The following TUT7 variants were observed in gnomAD, a reference collection of about 807,000 sequenced individuals.
The protein encoded by TUT7 is terminal uridylyl transferase 7, also known as terminal uridylyltransferase 7.
In TUT7, 33 loss-of-function variants were observed where a neutral mutation model predicts 165.9. That is an observed-to-expected ratio of 0.20 (90% CI 0.15 to 0.27). The LOEUF is 0.27. Among genes scored for constraint, TUT7 ranks in the 10% least tolerant of loss-of-function variants. TUT7 has a pLI of 1.00. For synonymous variants in TUT7, 552 were observed against 608.1 expected (o/e 0.91, Z 1.36); for missense variants, 1,338 against 1,762.3 (o/e 0.76, Z 4.31).
In TUT7 at chr9:86,301,307, T is replaced by C. The variant is rs201968623; in HGVS notation, c.4389A>G (p.Lys1463=). Residue 1463 remains lysine, a synonymous_variant, in exon 26 of 27, where the codon AAA becomes AAG. Transcript: ENST00000375963. ...CFICGREGHI[K]KECPQFKGSS... is the part of the protein sequence containing the mutation. ...AGCCTTTAAACTGTGGGCATTCCTT[T>C]TTAATGTGCCCTTCTCTTCCACAAA... The C allele has an allele frequency of 6.2e-7, 1 of 1,614,130 alleles. No homozygotes were observed. The highest frequency in any genetic ancestry group is 8.5e-7 in the Non-Finnish European group (1 of 1,180,000).
chr9:86,353,101 A>G lies in TUT7; in HGVS notation c.99T>C (p.Tyr33=). Residue 33 remains tyrosine (Y), a synonymous_variant, in exon 2 of 27, where the codon TAT becomes TAC. Coordinates refer to ENST00000375963, the MANE Select transcript of TUT7 (RefSeq NM_024617.4). ...DFRRGHPQQD[Y]LIIDDHAKGH... ...CTTTAGCATGGTCATCTATTATTAA[A>G]TAATCTTGTTGGGGGTGACCCCTTC... The G allele has an allele frequency of 6.2e-7, 1 of 1,613,958 alleles. No homozygotes were observed. The highest frequency in any genetic ancestry group is 8.5e-7 in the Non-Finnish European group (1 of 1,180,002).
At chr9:86,307,021 GCA>G (rs779028904) in intron 22 of TUT7, among the ~76,000 whole-genome samples, 4 of 152,206 alleles carry the variant, frequency 2.6e-5, no homozygotes, top group Non-Finnish European at 5.9e-5. Context: ...TGTAATCCCA[GCA>G]CTTTGGGAGG....
At chr9:86,348,041 T>C (rs374040167) in intron 2 of TUT7, among the ~76,000 whole-genome samples, 47 of 152,350 alleles carry the variant, frequency 3.1e-4, no homozygotes, top group African/African-American at 1.1e-3. Flanking sequence ...AATACTGCAA[T>C]ACCCTTTAGA....
intron 14 of TUT7, among the ~76,000 whole-genome samples, 189 bp from the exon 15 acceptor site, chr9:86,319,859 G>T (rs953600289): frequency 1.3e-5 from 2 of 152,032 alleles, no homozygotes; most frequent in African/African-American, 2.4e-5. Context: ...TTGAGATAAG[G>T]TCTGGTTCTG....
chr9:86,298,151 G>T (rs1394718366), intron 26 of TUT7, among the ~76,000 whole-genome samples: 2 of 151,742 alleles, frequency 1.3e-5, no homozygotes, highest in Non-Finnish European at 2.9e-5. Flanking sequence ...CCCTTTTCTT[G>T]TTTTGTTATT....
chr9:86,313,505 C>T (rs1284354687), intron 17 of TUT7, among the ~76,000 whole-genome samples: 1 of 152,154 alleles, frequency 6.6e-6, no homozygotes, highest in East Asian at 1.9e-4. Flanking sequence ...AACATTACCT[C>T]CTTAGGTTTA....
intron 19 of TUT7, 52 bp from the exon 20 acceptor site, chr9:86,309,628 T>C (rs773401977): frequency 7.2e-7 from 1 of 1,394,720 alleles, no homozygotes; most frequent in Non-Finnish European, 1.0e-6. Context: ...TCTGCTAACT[T>C]TGCATCCATT....
chr9:86,319,493 G>A (rs1206113379), intron 15 of TUT7, 91 bp downstream of exon 15: 7 of 898,506 alleles, frequency 7.8e-6, no homozygotes, highest in Non-Finnish European at 1.2e-5. Context: ...TGGAAATCCT[G>A]ATTCTCAAAA....
At chr9:86,325,999 C>A (rs2131460531) in intron 11 of TUT7, among the ~76,000 whole-genome samples, 1 of 152,336 alleles carries the variant, frequency 6.6e-6, no homozygotes, top group East Asian at 1.9e-4. Flanking sequence ...TCAGTGACAA[C>A]TGATTTTAAA....
intron 2 of TUT7, among the ~76,000 whole-genome samples, chr9:86,346,681 G>A (rs1453316550): frequency 6.6e-6 from 1 of 152,134 alleles, no homozygotes; most frequent in Admixed American, 6.6e-5. Context: ...TTAAGCCATA[G>A]AAATCATCTT....
At chr9:86,301,206 A>T in intron 26 of TUT7, 70 bp downstream of exon 26, 1 of 1,309,070 alleles carries the variant, frequency 7.6e-7, no homozygotes, top group Non-Finnish European at 1.1e-6. Flanking sequence ...CTAAAATAGT[A>T]AAGAGCTCTA....
intron 10 of TUT7, among the ~76,000 whole-genome samples, chr9:86,331,798 C>G (rs570314463): frequency 1.3e-5 from 2 of 152,018 alleles, no homozygotes; most frequent in Non-Finnish European, 2.9e-5. Flanking sequence ...TTTTGCATAG[C>G]CCTATCAACA....
rs369631683 is a variant in TUT7 at position 86,338,920 on chromosome 9, T to C, written c.1238A>G (p.Asn413Ser). The change falls in exon 9 of 27, where the codon AAT becomes AGT. Residue 413 changes from asparagine to serine, a missense_variant. Physicochemically the swap from Asn to Ser is conservative, Grantham distance 46 (BLOSUM62 1). This residue lies in a region of TUT7 where 74 missense variants were observed against 128.5 expected (regional missense o/e 0.58). Coordinates refer to ENST00000375963, the MANE Select transcript of TUT7 (RefSeq NM_024617.4). Reference sequence around the variant, plus strand: ...CTTTGTTGTCAGACAAGCATTTTCATTTCCTGCGCTCACTTTACACAGAAG... The same window carrying C: ...CTTTGTTGTCAGACAAGCATTTTCACTTCCTGCGCTCACTTTACACAGAAG... Reference protein sequence around the residue: ...SGLLCKVSAGNENACLTTKHL... With the variant: ...SGLLCKVSAGSENACLTTKHL... 13 of 1,611,036 alleles carry C rather than the reference T, an allele frequency of 8.1e-6. No homozygotes were observed. Among genetic ancestry groups the C allele is most frequent in the African/African-American group, 1.3e-5 (1 of 74,870 alleles).
Position 86,301,268 on chromosome 9 carries a change from G to C in TUT7, c.4420+8C>G, listed in dbSNP as rs1260974221. The C allele has an allele frequency of 6.2e-7, 1 of 1,610,298 alleles. No homozygotes were observed. Among genetic ancestry groups the C allele is most frequent in the East Asian group, 2.2e-5 (1 of 44,868 alleles). On this transcript the variant is annotated splice_region_variant and intron_variant, in intron 26 of 26. Transcript: ENST00000375963. Reference sequence around the variant, plus strand: ...GAGCAAACATCAAGGTGTGATAGGTGTCCATACCTGAAGAGCCTTTAAACT... The same window carrying C: ...GAGCAAACATCAAGGTGTGATAGGTCTCCATACCTGAAGAGCCTTTAAACT...
chr9:86,315,494 G>T (rs1828619620), intron 17 of TUT7, among the ~76,000 whole-genome samples: 1 of 152,194 alleles, frequency 6.6e-6, no homozygotes, highest in African/African-American at 2.4e-5. Flanking sequence ...CTGAATAAAA[G>T]TTATATGTGG....
chr9:86,323,203 C>G lies in TUT7; in HGVS notation c.2547G>C (p.Glu849Asp), dbSNP rs147535547. ...SEMIPSDEEE[E>D]DDEEEEEEEE... ...CTTCCTCCTCCTCTTCTTCGTCGTC[C>G]TCCTCCTCTTCATCAGAGGGAATCA... is the stretch of plus-strand genomic sequence containing the variant. Residue 849 changes from glutamate to aspartate, a missense_variant, in exon 13 of 27, where the codon GAG becomes GAC. This residue lies in a region of TUT7 where 425 missense variants were observed against 474.9 expected (regional missense o/e 0.89). Coordinates refer to ENST00000375963, the MANE Select transcript of TUT7 (RefSeq NM_024617.4). The G allele has an allele frequency of 2.1e-4, 343 of 1,614,004 alleles. No homozygotes were observed. Among genetic ancestry groups the G allele is most frequent in the Admixed American group, 4.3e-4 (26 of 60,004 alleles).
intron 26 of TUT7, among the ~76,000 whole-genome samples, chr9:86,291,314 T>A (rs1430658166): frequency 6.6e-6 from 1 of 152,124 alleles, no homozygotes; most frequent in Non-Finnish European, 1.5e-5. Flanking sequence ...AAAGGGCCTG[T>A]AATCCCAGCA....
intron 24 of TUT7, among the ~76,000 whole-genome samples, chr9:86,303,524 A>C (rs1480123344): frequency 6.6e-6 from 1 of 152,222 alleles, no homozygotes; most frequent in African/African-American, 2.4e-5. Flanking sequence ...GGCCAGGTAC[A>C]CAGGCTTTGT....
At chr9:86,312,491 G>A (rs1425764776) in intron 17 of TUT7, among the ~76,000 whole-genome samples, 4 of 150,558 alleles carry the variant, frequency 2.7e-5, no homozygotes, top group Admixed American at 2.7e-4. Flanking sequence ...AGGGAGGTGG[G>A]GGGGTCAGTC....
Sources: allele counts gnomAD v4.1 joint callset (sites outside exome capture counted in the v4.1 genomes callset), GRCh38; gene constraint gnomAD v4.1.1; regional missense constraint gnomAD v4.1.1; transcripts MANE v1.5; gene names NCBI Gene and HGNC (gene_info 2026-07-23, HGNC 2026-07-21).